Variants in TDG observed in about 807,000 individuals in gnomAD.
TDG encodes the protein G/T mismatch-specific thymine DNA glycosylase.
A neutral mutation model predicts 46.1 loss-of-function variants in TDG; 23 were observed. The observed-to-expected ratio is 0.50, with a 90% CI of 0.36 to 0.71. The LOEUF (loss-of-function observed/expected upper bound fraction) is 0.71. Among genes scored for constraint, TDG ranks in the 30% least tolerant of loss-of-function variants. The pLI is 0.00. For missense variants in TDG, 304 were observed against 486.7 expected, an observed-to-expected ratio of 0.62 and a Z score of 3.53; for synonymous variants, 115 against 161.3, an observed-to-expected ratio of 0.71 and a Z score of 2.18.
chr12:103,970,713 C>T (rs147224291), intron 1 of TDG, among the ~76,000 whole-genome samples: 2,690 of 151,678 alleles, frequency 0.018, 79 homozygotes, highest in African/African-American at 0.062. Context: ...TGCCACTGCA[C>T]TCCAGCATGG....
chr12:103,976,753 T>C (rs1238684193), intron 1 of TDG, among the ~76,000 whole-genome samples, 165 bp from the exon 2 acceptor site: 1 of 152,194 alleles, frequency 6.6e-6, no homozygotes, highest in Non-Finnish European at 1.5e-5. Flanking sequence ...TTGGTGAACA[T>C]GTACATACAG....
rs1870974296 is a variant in TDG at position 103,965,910 on chromosome 12, G to T, written c.-128G>T. On this transcript the variant is annotated 5_prime_UTR_variant, in exon 1 of 10. Transcript: ENST00000392872. ...AGGAGCTTGAGTCCAGCCACTGTCT[G>T]GGTACTGCCAGCCATCGGGCCCAGG... is the stretch of plus-strand genomic sequence containing the variant. 4 of 1,413,354 alleles carry T rather than the reference G, an allele frequency of 2.8e-6. No individual in the cohort carries two copies. The highest frequency in any genetic ancestry group is 4.6e-5 in the Admixed American group (2 of 43,170). 87.6% of individuals were successfully genotyped at this position (1,413,354 alleles called of 1,614,324 possible).
Position 103,984,925 on chromosome 12 carries a change from G to A in TDG, c.964+5G>A, listed in dbSNP as rs1436784051. On this transcript the variant is annotated splice_donor_5th_base_variant and intron_variant, in intron 8 of 9. Coordinates refer to ENST00000392872, the MANE Select transcript of TDG (RefSeq NM_003211.6). Reference sequence around the variant, plus strand: ...TTGACCTACAGCTTGCCCAAGGTATGTTACTGTCCTCATTCCTTTTATTCA... The same window carrying A: ...TTGACCTACAGCTTGCCCAAGGTATATTACTGTCCTCATTCCTTTTATTCA... 5 of 944,124 alleles carry A rather than the reference G, an allele frequency of 5.3e-6. No homozygotes were observed. The African/African-American group carries it at 9.0e-5, about 17-fold the overall frequency. 58.5% of individuals were successfully genotyped at this position (944,124 alleles called of 1,614,324 possible). A position where few individuals can be genotyped will look rare whatever the true frequency, so the allele number is the denominator to read the frequency against.
intron 1 of TDG, among the ~76,000 whole-genome samples, chr12:103,973,978 T>A (rs1220008869): frequency 6.6e-6 from 1 of 152,232 alleles, no homozygotes; most frequent in Non-Finnish European, 1.5e-5. Context: ...CAGGTTAATC[T>A]CTTTCTCACT....
rs1173395883 is a variant in TDG at position 103,966,212 on chromosome 12, C to T, written c.23+152C>T. The T allele has an allele frequency of 5.6e-6, 6 of 1,077,766 alleles. No individual in the cohort carries two copies. In the African/African-American group the frequency reaches 6.7e-5, roughly 12 times the overall value. 66.8% of individuals were successfully genotyped at this position (1,077,766 alleles called of 1,614,324 possible). A position where few individuals can be genotyped will look rare whatever the true frequency, so the allele number is the denominator to read the frequency against. On this transcript the variant is annotated intron_variant, in intron 1 of 9. Transcript: ENST00000392872. ...GCGCACTGTGGCCTGGTCGGCCTTT[C>T]CTTCCCTGGCTGCGGCGGTGGTGGT...
At position 103,987,028 on chromosome 12, in the gene TDG, C is replaced by A. The variant is rs538111834; in HGVS notation, c.1171C>A (p.Gln391Lys). 6.3e-5 allele frequency: 101 copies of A among 1,614,190 alleles called. No homozygotes were observed. The South Asian group carries it at 9.3e-4, about 15-fold the overall frequency. Reference protein sequence around the residue: ...GQWMTQSFTDQIPSFSNHCGT... With the variant: ...GQWMTQSFTDKIPSFSNHCGT... ...GTGGATGACCCAGTCATTTACAGACCAAATTCCTTCCTTTAGTAATCACTG... is the reference window on the plus strand; with the variant it reads ...GTGGATGACCCAGTCATTTACAGACAAAATTCCTTCCTTTAGTAATCACTG... Residue 391 changes from glutamine to lysine, a missense_variant, in exon 10 of 10, where the codon CAA becomes AAA. Gln to Lys is a moderately conservative substitution (Grantham distance 53). Transcript: ENST00000392872.
chr12:103,972,979 C>T (rs1434399827), intron 1 of TDG: 5 of 701,882 alleles, frequency 7.1e-6, no homozygotes, highest in Admixed American at 6.0e-5. Context: ...TCATGAAGTG[C>T]TCAAAATGGG....
intron 1 of TDG, among the ~76,000 whole-genome samples, chr12:103,972,549 T>C (rs1871333117): frequency 6.6e-6 from 1 of 152,232 alleles, no homozygotes; most frequent in Non-Finnish European, 1.5e-5. Context: ...AGGCAGCTGT[T>C]GAGGTAAACA....
intron 1 of TDG, chr12:103,973,170 C>T: frequency 4.8e-6 from 3 of 628,858 alleles, no homozygotes; most frequent in South Asian, 1.7e-5. Context: ...CCACAACCTC[C>T]ACCTCCTGGG....
At chr12:103,983,039 A>G (rs927325287) in intron 5 of TDG, 97 bp from the exon 6 acceptor site, 12 of 1,562,982 alleles carry the variant, frequency 7.7e-6, no homozygotes, top group Non-Finnish European at 1.0e-5. Flanking sequence ...AGCTCAACAA[A>G]TGTACAATAT....
intron 1 of TDG, among the ~76,000 whole-genome samples, chr12:103,970,631 T>TA (rs1281052399): frequency 6.6e-6 from 1 of 151,460 alleles, no homozygotes; most frequent in East Asian, 1.9e-4. Context: ...CCTGTAGTCC[T>TA]AGCTACTCAG....
rs1872329940 is a variant in TDG, at chr12:103,988,643, G to T, written c.*1553G>T. 6.5e-6 allele frequency: 1 copy of T among 152,724 alleles called. No individual in the cohort carries two copies. The highest frequency in any genetic ancestry group is 2.4e-5 in the African/African-American group (1 of 41,486). 9.5% of individuals were successfully genotyped at this position (152,724 alleles called of 1,614,324 possible). On this transcript the variant is annotated 3_prime_UTR_variant, in exon 10 of 10. Coordinates refer to ENST00000392872, the MANE Select transcript of TDG (RefSeq NM_003211.6). ...TTACAAGAGATTGTTTTATTTGAATGGGGAAAATACCCTTTAAATTATGAC... is the reference window on the plus strand; with the variant it reads ...TTACAAGAGATTGTTTTATTTGAATTGGGAAAATACCCTTTAAATTATGAC...
Position 103,987,606 on chromosome 12 carries a change from C to A in TDG, c.*516C>A, listed in dbSNP as rs1416220195. 6.5e-6 allele frequency: 1 copy of A among 154,724 alleles called. No homozygotes were observed. Among genetic ancestry groups the A allele is most frequent in the Non-Finnish European group, 1.4e-5 (1 of 69,378 alleles). The allele number at this position is 154,724 out of a possible 1,614,324, so 9.6% of individuals were successfully genotyped here. On this transcript the variant is annotated 3_prime_UTR_variant, in exon 10 of 10. Coordinates refer to ENST00000392872, the MANE Select transcript of TDG (RefSeq NM_003211.6). The stretch of plus-strand genomic sequence containing the variant: ...AACTCAGGGTTCCCTGAGCTATATG[C>A]ACACTCAGACCTCTTTGCTTTACCA...
chr12:103,973,719 A>G (rs1028462066), intron 1 of TDG, among the ~76,000 whole-genome samples: 4 of 152,266 alleles, frequency 2.6e-5, no homozygotes, highest in Non-Finnish European at 4.4e-5. Flanking sequence ...TTCTAAGCAT[A>G]GTTCTACATC....
rs140103994 is a variant in TDG at position 103,984,831 on chromosome 12, T to C, written c.875T>C (p.Leu292Pro). 31 of 1,613,500 alleles carry C rather than the reference T, an allele frequency of 1.9e-5. No homozygotes were observed. Among genetic ancestry groups the C allele is most frequent in the African/African-American group, 2.7e-5 (2 of 74,956 alleles). The change falls in exon 8 of 10, where the codon CTG becomes CCG. Residue 292 changes from leucine to proline, a missense_variant. By Grantham distance (98) the Leu-to-Pro change is moderately conservative. Coordinates refer to ENST00000392872, the MANE Select transcript of TDG (RefSeq NM_003211.6). ...AQDKVHYYIK[L>P]KDLRDQLKGI... ...GACAAAGTTCATTACTACATAAAACTGAAGGACTTAAGAGATCAGTTGAAA... is the reference window on the plus strand; with the variant it reads ...GACAAAGTTCATTACTACATAAAACCGAAGGACTTAAGAGATCAGTTGAAA...
In TDG at chr12:103,965,992, C is replaced by A; in HGVS notation, c.-46C>A. On this transcript the variant is annotated 5_prime_UTR_variant, in exon 1 of 10. Coordinates refer to ENST00000392872, the MANE Select transcript of TDG (RefSeq NM_003211.6). ...ACGCGGTACTACAGAGACCGGCTGCCCGTGTGCCCGGCAGGTGGAGCCGCC... is the reference window on the plus strand; with the variant it reads ...ACGCGGTACTACAGAGACCGGCTGCACGTGTGCCCGGCAGGTGGAGCCGCC... 6.3e-7 allele frequency: 1 copy of A among 1,585,352 alleles called. No individual in the cohort carries two copies. The highest frequency in any genetic ancestry group is 8.6e-7 in the Non-Finnish European group (1 of 1,166,898).
rs4135040 is a variant in TDG at position 103,966,204 on chromosome 12, C to A, written c.23+144C>A. The A allele has an allele frequency of 0.75, 875,037 of 1,161,342 alleles. 332,180 individuals carry two copies. The highest frequency in any genetic ancestry group is 1 in the East Asian group (32,610 of 32,646). The allele number at this position is 1,161,342 out of a possible 1,614,324, so 71.9% of individuals were successfully genotyped here. ...CCGCGCGTGCGCACTGTGGCCTGGT[C>A]GGCCTTTCCTTCCCTGGCTGCGGCG... On this transcript the variant is annotated intron_variant, in intron 1 of 9. Transcript: ENST00000392872.
At chr12:103,974,570 C>T (rs534160286) in intron 1 of TDG, among the ~76,000 whole-genome samples, 9 of 152,268 alleles carry the variant, frequency 5.9e-5, no homozygotes, top group South Asian at 2.1e-4. Context: ...CATAAGCCAC[C>T]GTGCCTGGCC....
chr12:103,967,132 C>T (rs1267844354), intron 1 of TDG, among the ~76,000 whole-genome samples: 4 of 152,258 alleles, frequency 2.6e-5, no homozygotes, highest in South Asian at 4.1e-4. Context: ...CTCTCATAAC[C>T]TCACTTAAGA....
Sources: allele counts gnomAD v4.1 joint callset (sites outside exome capture counted in the v4.1 genomes callset), GRCh38; gene constraint gnomAD v4.1.1; transcripts MANE v1.5; gene names NCBI Gene and HGNC (gene_info 2026-07-23, HGNC 2026-07-21).